Variants in LRRN3 observed in about 807,000 individuals in gnomAD.
LRRN3 encodes the protein leucine rich repeat neuronal 3, also known as leucine-rich repeat neuronal protein 3.
A neutral mutation model predicts 40.1 loss-of-function variants in LRRN3; 15 were observed. That is an observed-to-expected ratio of 0.37 (90% CI 0.25 to 0.58). LRRN3 has a LOEUF of 0.58. LRRN3 is among the 20% of genes least tolerant of loss of function. LRRN3 has a pLI of 0.72. For missense variants in LRRN3, 746 were observed against 837.7 expected, an observed-to-expected ratio of 0.89 and a Z score of 1.35; for synonymous variants, 308 against 297.2, an observed-to-expected ratio of 1.04 and a Z score of -0.37.
intron 2 of LRRN3, among the ~76,000 whole-genome samples, chr7:111,111,745 C>G (rs1238408364): frequency 6.6e-6 from 1 of 151,670 alleles, no homozygotes; most frequent in Non-Finnish European, 1.5e-5. Flanking sequence ...TAAAGTAGTC[C>G]TACATAATTA....
chr7:111,123,476 T>A lies in LRRN3; in HGVS notation c.704T>A (p.Leu235Gln). 1 of 1,613,862 alleles carries A rather than the reference T, an allele frequency of 6.2e-7. No individual in the cohort carries two copies. Among genetic ancestry groups the A allele is most frequent in the Non-Finnish European group, 8.5e-7 (1 of 1,179,924 alleles). ...TEIPDNALVG[L>Q]ENLESISFYD... ...ATACCAGATAACGCCTTGGTTGGACTGGAAAACTTAGAAAGCATCTCTTTT... is the reference window on the plus strand; with the variant it reads ...ATACCAGATAACGCCTTGGTTGGACAGGAAAACTTAGAAAGCATCTCTTTT... Residue 235 changes from leucine (L) to glutamine (Q), a missense_variant, in exon 3 of 3, where the codon CTG (leucine) becomes CAG (glutamine). Transcript: ENST00000308478. This position sits in a 1 kb window ranked among gnomAD's most constrained non-coding sequence, Gnocchi z 6.4.
At chr7:111,092,885 T>G (rs1042706014) in intron 1 of LRRN3, among the ~76,000 whole-genome samples, 7 of 152,224 alleles carry the variant, frequency 4.6e-5, no homozygotes, top group Non-Finnish European at 1.5e-5. Flanking sequence ...TTAGTTCAAC[T>G]AACCACACAG....
intron 2 of LRRN3, among the ~76,000 whole-genome samples, chr7:111,119,882 G>A (rs1401862240): frequency 3.3e-5 from 5 of 152,172 alleles, no homozygotes; most frequent in Non-Finnish European, 7.4e-5. Flanking sequence ...CCACTGTGAA[G>A]GGGCAGCTAA....
In LRRN3 at chr7:111,122,591, T is replaced by G; in HGVS notation, c.-182T>G. The G allele has an allele frequency of 1.7e-6, 1 of 584,150 alleles. No individual in the cohort carries two copies. Among genetic ancestry groups the G allele is most frequent in the Non-Finnish European group, 3.0e-6 (1 of 327,928 alleles). 36.2% of individuals were successfully genotyped at this position (584,150 alleles called of 1,614,324 possible). On this transcript the variant is annotated 5_prime_UTR_variant, in exon 3 of 3. Coordinates refer to ENST00000308478, the MANE Select transcript of LRRN3 (RefSeq NM_001099658.2). The stretch of plus-strand genomic sequence containing the variant: ...CTTCTCTTCTCCAATATGCATGACA[T>G]TTTTGGACAATGCAATTGTGGCACT...
rs1239137382 is a variant in LRRN3 at position 111,124,715 on chromosome 7, G to A, written c.1943G>A (p.Cys648Tyr). 5.6e-6 allele frequency: 9 copies of A among 1,613,784 alleles called. No individual in the cohort carries two copies. The highest frequency in any genetic ancestry group is 2.7e-5 in the African/African-American group (2 of 74,902). Residue 648 changes from cysteine to tyrosine, a missense_variant, in exon 3 of 3, where the codon TGC becomes TAC. Cys to Tyr is a radical substitution (Grantham distance 194). Transcript: ENST00000308478. ...ATTGGTGTGATATGTCTTATCAGCT[G>A]CCTCTCTCCAGAAATGAACTGTGAT... ...GIIGVICLIS[C>Y]LSPEMNCDGG...
At chr7:111,115,859 T>G (rs948684643) in intron 2 of LRRN3, among the ~76,000 whole-genome samples, 1 of 151,992 alleles carries the variant, frequency 6.6e-6, no homozygotes, top group South Asian at 2.1e-4. Flanking sequence ...GTATTTTTAC[T>G]AGAGACTGGG....
chr7:111,102,151 C>T (rs918766681), intron 2 of LRRN3, among the ~76,000 whole-genome samples: 5 of 151,408 alleles, frequency 3.3e-5, no homozygotes, highest in African/African-American at 1.2e-4. Flanking sequence ...GATTTTAGGT[C>T]ACTTGTTCAA....
At chr7:111,119,977 C>T (rs1274308231) in intron 2 of LRRN3, among the ~76,000 whole-genome samples, 3 of 152,094 alleles carry the variant, frequency 2.0e-5, no homozygotes, top group Non-Finnish European at 4.4e-5. Context: ...TTTGAAAAGA[C>T]AGTAAAACAT....
Position 111,123,060 on chromosome 7 carries a change from C to T in LRRN3, c.288C>T (p.Gly96=), listed in dbSNP as rs766188616. ...CAGACTTTCCAGTAAACCTTACTGG[C>T]CTGGATTTATCTCAAAACAATTTAT... ...YSTDFPVNLT[G]LDLSQNNLSS... is the part of the protein sequence containing the mutation. Residue 96 remains glycine, a synonymous_variant, in exon 3 of 3, where the codon GGC becomes GGT. Transcript: ENST00000308478. This position sits in a 1 kb window ranked among gnomAD's most constrained non-coding sequence, Gnocchi z 6.4. 4 of 1,613,716 alleles carry T rather than the reference C, an allele frequency of 2.5e-6. No individual in the cohort carries two copies. Among genetic ancestry groups the T allele is most frequent in the Non-Finnish European group, 3.4e-6 (4 of 1,179,888 alleles).
At chr7:111,093,172 G>A (rs1360090740) in intron 1 of LRRN3, among the ~76,000 whole-genome samples, 2 of 152,150 alleles carry the variant, frequency 1.3e-5, no homozygotes, top group Admixed American at 6.6e-5. Flanking sequence ...TCTGTAAGAT[G>A]AACAAGTTTA....
chr7:111,120,910 G>T (rs1452719965), intron 2 of LRRN3, among the ~76,000 whole-genome samples: 1 of 151,326 alleles, frequency 6.6e-6, no homozygotes, highest in African/African-American at 2.4e-5. Context: ...TTCATTTATT[G>T]GCCTTTTATG....
Position 111,122,761 on chromosome 7 carries a change from A to C in LRRN3, c.-12A>C, listed in dbSNP as rs543293949. ...TTAAGGGCCCATTACATTTCTGAAG[A>C]AGAAAGCTAAGATGAAGGACATGCC... On this transcript the variant is annotated 5_prime_UTR_variant, in exon 3 of 3. Coordinates refer to ENST00000308478, the MANE Select transcript of LRRN3 (RefSeq NM_001099658.2). 1.1e-5 allele frequency: 17 copies of C among 1,601,936 alleles called. No homozygotes were observed. The African/African-American group carries it at 1.3e-4, about 13-fold the overall frequency.
chr7:111,115,979 A>C (rs1011337166), intron 2 of LRRN3, among the ~76,000 whole-genome samples: 1 of 152,062 alleles, frequency 6.6e-6, no homozygotes, highest in African/African-American at 2.4e-5. Context: ...ATCCGGCCGG[A>C]ATTATTGTTT....
chr7:111,121,330 T>C (rs1374023441), intron 2 of LRRN3, among the ~76,000 whole-genome samples: 3 of 152,350 alleles, frequency 2.0e-5, no homozygotes, highest in South Asian at 4.1e-4. Flanking sequence ...GATGGTAGTT[T>C]CTTTTGCTGT....
intron 1 of LRRN3, among the ~76,000 whole-genome samples, chr7:111,094,109 T>A (rs1797151788): frequency 6.6e-6 from 1 of 152,180 alleles, no homozygotes; most frequent in African/African-American, 2.4e-5. Context: ...GCTTTCGCCA[T>A]GTGATGGGTT....
At chr7:111,117,279 G>C (rs1799999927) in intron 2 of LRRN3, among the ~76,000 whole-genome samples, 1 of 152,086 alleles carries the variant, frequency 6.6e-6, no homozygotes, top group African/African-American at 2.4e-5. Context: ...TCACAGAATA[G>C]TATCATGTAA....
At chr7:111,116,888 G>T (rs747279496) in intron 2 of LRRN3, among the ~76,000 whole-genome samples, 3 of 152,080 alleles carry the variant, frequency 2.0e-5, no homozygotes, top group Non-Finnish European at 4.4e-5. Flanking sequence ...AGAGAAAGTA[G>T]AACTTAGTGG....
intron 1 of LRRN3, among the ~76,000 whole-genome samples, chr7:111,093,105 T>C (rs980362701): frequency 2.6e-5 from 4 of 152,196 alleles, no homozygotes; most frequent in Non-Finnish European, 5.9e-5. Context: ...CCAGTGACCT[T>C]TGTAAATGAT....
At chr7:111,102,203 A>G (rs1469952904) in intron 2 of LRRN3, among the ~76,000 whole-genome samples, 1 of 151,588 alleles carries the variant, frequency 6.6e-6, no homozygotes, top group Non-Finnish European at 1.5e-5. Flanking sequence ...CAGGTGATTC[A>G]ATCCTTACCC....
Sources: allele counts gnomAD v4.1 joint callset (sites outside exome capture counted in the v4.1 genomes callset), GRCh38; gene constraint gnomAD v4.1.1; non-coding constraint Gnocchi (gnomAD v3.1); transcripts MANE v1.5; gene names NCBI Gene and HGNC (gene_info 2026-07-23, HGNC 2026-07-21).